The following GET4 variants were observed in gnomAD, a reference collection of about 807,000 sequenced individuals.
GET4 encodes Golgi to ER traffic protein 4 homolog.
GET4 carries 20 observed loss-of-function variants against 40.0 expected under a neutral mutation model. The observed-to-expected ratio is 0.50, with a 90% CI of 0.35 to 0.73. The LOEUF (loss-of-function observed/expected upper bound fraction) is 0.73. Ranked by LOEUF, GET4 falls within the 30% of genes least tolerant of loss-of-function variation. GET4 has a pLI of 0.01. For missense variants in GET4, 557 were observed against 454.0 expected (o/e 1.23, Z -2.06); for synonymous variants, 280 against 194.6 (o/e 1.44, Z -3.65).
At position 895,429 on chromosome 7, in the gene GET4, C is replaced by T. The variant is rs749467342; in HGVS notation, c.*7C>T. 3 of 1,491,002 alleles carry T rather than the reference C, an allele frequency of 2.0e-6. No individual in the cohort carries two copies. The highest frequency in any genetic ancestry group is 1.1e-5 in the South Asian group (1 of 87,578). 92.4% of individuals were successfully genotyped at this position (1,491,002 alleles called of 1,614,324 possible). A position where few individuals can be genotyped will look rare whatever the true frequency, so the allele number is the denominator to read the frequency against. The stretch of plus-strand genomic sequence containing the variant: ...CCCCATCGAGCTGGACTGAACTGGC[C>T]AGGCCACGTGGAGACACCACGGTCG... On this transcript the variant is annotated 3_prime_UTR_variant, in exon 9 of 9. Coordinates refer to ENST00000265857, the MANE Select transcript of GET4 (RefSeq NM_015949.3).
chr7:895,734 CTGA>C lies in GET4; in HGVS notation c.*315_*317del, dbSNP rs1422812542. 4.9e-6 allele frequency: 1 copy of C among 205,084 alleles called. No individual in the cohort carries two copies. Among genetic ancestry groups the C allele is most frequent in the African/African-American group, 2.3e-5 (1 of 43,228 alleles). 12.7% of individuals were successfully genotyped at this position (205,084 alleles called of 1,614,324 possible). A position where few individuals can be genotyped will look rare whatever the true frequency, so the allele number is the denominator to read the frequency against. On this transcript the variant is annotated 3_prime_UTR_variant, in exon 9 of 9. Coordinates refer to ENST00000265857, the MANE Select transcript of GET4 (RefSeq NM_015949.3). Reference sequence around the variant, plus strand: ...TTTGTTCTGGGTCCTTTCGGGAGGGCTGATGGGCAGCACAGGAGGCCCGTCCTC... The same window carrying C: ...TTTGTTCTGGGTCCTTTCGGGAGGGCTGGGCAGCACAGGAGGCCCGTCCTC...
chr7:884,154 G>T, intron 1 of GET4: 1 of 1,286,890 alleles, frequency 7.8e-7, no homozygotes, highest in South Asian at 1.3e-5. Context: ...CCAGAACGCT[G>T]TAGTATCGGC....
chr7:881,648 G>GGT (rs1844089480), intron 1 of GET4: 1 of 152,152 alleles, frequency 6.6e-6, no homozygotes, highest in South Asian at 2.1e-4. Context: ...GCCTCGGGCA[G>GGT]GTGTGCAGGC....
rs1048652075 is a variant in GET4 at position 884,178 on chromosome 7, G to C, written c.156-1878G>C. The C allele has an allele frequency of 2.4e-5, 31 of 1,297,890 alleles. No homozygotes were observed. The Admixed American group carries it at 6.9e-4, about 29-fold the overall frequency. The allele number at this position is 1,297,890 out of a possible 1,614,324, so 80.4% of individuals were successfully genotyped here. ...TGTAGTATCGGCAAAGCAGAAGCTGGTGTGGTGCTTGCTCAGGGTCGGTGC... is the reference window on the plus strand; with the variant it reads ...TGTAGTATCGGCAAAGCAGAAGCTGCTGTGGTGCTTGCTCAGGGTCGGTGC... On this transcript the variant is annotated intron_variant, in intron 1 of 8. Coordinates refer to ENST00000265857, the MANE Select transcript of GET4 (RefSeq NM_015949.3).
chr7:883,650 G>A (rs1196907151), intron 1 of GET4: 10 of 985,406 alleles, frequency 1.0e-5, no homozygotes, highest in African/African-American at 1.7e-5. Flanking sequence ...ACATGGCACG[G>A]CCAATAGTGC....
At position 894,279 on chromosome 7, in the gene GET4, G is replaced by A. The variant is rs1329285551; in HGVS notation, c.895+308G>A. Reference sequence around the variant, plus strand: ...CGTCTCTCTGTGCGCCATGCTAGGTGGCCTCCGTGAGCCTGGTGTGCCCGG... The same window carrying A: ...CGTCTCTCTGTGCGCCATGCTAGGTAGCCTCCGTGAGCCTGGTGTGCCCGG... On this transcript the variant is annotated intron_variant, in intron 8 of 8. Transcript: ENST00000265857. 2.6e-5 allele frequency among the ~76,000 whole-genome samples: 4 copies of A among 152,142 alleles called. No homozygotes were observed. The South Asian group carries it at 8.3e-4, about 32-fold the overall frequency.
chr7:885,941 T>A lies in GET4; in HGVS notation c.156-115T>A. 3 of 724,574 alleles carry A rather than the reference T, an allele frequency of 4.1e-6. No homozygotes were observed. In the Admixed American group the frequency reaches 5.9e-5, roughly 14 times the overall value. The allele number at this position is 724,574 out of a possible 1,614,324, so 44.9% of individuals were successfully genotyped here. On this transcript the variant is annotated intron_variant, in intron 1 of 8. Transcript: ENST00000265857. ...ACCTGGGCCCTGGGAGCGGCTGCTT[T>A]TAGGATGCCACCTGTTCCTGGGCGC...
intron 1 of GET4, 61 bp downstream of exon 1, chr7:876,861 C>T (rs1353699227): frequency 1.8e-5 from 17 of 940,816 alleles, no homozygotes; most frequent in Non-Finnish European, 2.0e-5. Flanking sequence ...CCATTGGCCG[C>T]GCCGCCTCGC....
At chr7:888,387 G>A (rs897404490) in intron 4 of GET4, among the ~76,000 whole-genome samples, 1 of 152,170 alleles carries the variant, frequency 6.6e-6, no homozygotes, top group Non-Finnish European at 1.5e-5. Flanking sequence ...ATGCCCATCC[G>A]ACCTCCGACC....
chr7:892,561 C>T, intron 6 of GET4, 143 bp downstream of exon 6: 3 of 785,266 alleles, frequency 3.8e-6, no homozygotes, highest in Non-Finnish European at 4.0e-6. Context: ...GGTATGAGTG[C>T]TGGGTGTAGA....
chr7:887,247 A>T, intron 3 of GET4, 123 bp from the exon 4 acceptor site: 1 of 980,326 alleles, frequency 1.0e-6, no homozygotes, highest in East Asian at 2.4e-5. Context: ...TCACTCAGGG[A>T]CGCCCAGCAG....
chr7:895,089 G>A (rs1286075852), intron 8 of GET4, among the ~76,000 whole-genome samples: 16 of 151,848 alleles, frequency 1.1e-4, no homozygotes, highest in Admixed American at 9.8e-4. Flanking sequence ...GTTGGTGGAC[G>A]TGGGAGGGCC....
intron 1 of GET4, chr7:885,794 A>G (rs1300839787): frequency 2.1e-6 from 1 of 483,642 alleles, no homozygotes; most frequent in African/African-American, 2.0e-5. Context: ...GAGCTGCTCC[A>G]GGGTGAGGCT....
rs143019719 is a variant in GET4, at chr7:895,585, G to A, written c.*163G>A. ...TCTGTGCGGCGGCTCAGGGTGGCGCGGCTGCTGCTCACTGTGCTGCTGGGA... is the reference window on the plus strand; with the variant it reads ...TCTGTGCGGCGGCTCAGGGTGGCGCAGCTGCTGCTCACTGTGCTGCTGGGA... On this transcript the variant is annotated 3_prime_UTR_variant, in exon 9 of 9. Transcript: ENST00000265857. 21 of 497,180 alleles carry A rather than the reference G, an allele frequency of 4.2e-5. No individual in the cohort carries two copies. Among genetic ancestry groups the A allele is most frequent in the Admixed American group, 1.1e-4 (3 of 26,638 alleles). 30.8% of individuals were successfully genotyped at this position (497,180 alleles called of 1,614,324 possible).
At chr7:882,348 T>C (rs1844102942) in intron 1 of GET4, 1 of 152,104 alleles carries the variant, frequency 6.6e-6, no homozygotes, top group Non-Finnish European at 1.5e-5. Context: ...CAGTTGAAGG[T>C]GAAGGAGAGG....
chr7:893,729 C>G lies in GET4; in HGVS notation c.747-11C>G, dbSNP rs756878531. 1.1e-5 allele frequency: 17 copies of G among 1,584,514 alleles called. No homozygotes were observed. The highest frequency in any genetic ancestry group is 1.7e-4 in the Middle Eastern group (1 of 5,962). The stretch of plus-strand genomic sequence containing the variant: ...GCTCACCCAGCACATCCCTGTGTGT[C>G]TCTGTCCCAGTGGGAAGCTGACGGT... On this transcript the variant is annotated splice_polypyrimidine_tract_variant and intron_variant, in intron 6 of 8. Transcript: ENST00000265857.
rs1172809276 is a variant in GET4 at position 895,672 on chromosome 7, G to A, written c.*250G>A. On this transcript the variant is annotated 3_prime_UTR_variant, in exon 9 of 9. Coordinates refer to ENST00000265857, the MANE Select transcript of GET4 (RefSeq NM_015949.3). The stretch of plus-strand genomic sequence containing the variant: ...TCCCCCGAGATTGACCCACAATAAA[G>A]CACAGGCCTTACCGCGGCGTCACCC... 8 of 361,578 alleles carry A rather than the reference G, an allele frequency of 2.2e-5. No homozygotes were observed. Among genetic ancestry groups the A allele is most frequent in the East Asian group, 1.4e-4 (3 of 22,034 alleles). The allele number at this position is 361,578 out of a possible 1,614,324, so 22.4% of individuals were successfully genotyped here. A position where few individuals can be genotyped will look rare whatever the true frequency, so the allele number is the denominator to read the frequency against.
At chr7:885,940 T>G in intron 1 of GET4, 116 bp from the exon 2 acceptor site, 1 of 721,446 alleles carries the variant, frequency 1.4e-6, no homozygotes, top group Non-Finnish European at 2.5e-6. Context: ...AGCGGCTGCT[T>G]TTAGGATGCC....
chr7:885,759 T>C, intron 1 of GET4: 1 of 395,166 alleles, frequency 2.5e-6, no homozygotes, highest in South Asian at 3.0e-5. Flanking sequence ...CAGTGGCCTT[T>C]CTGGTCCCAG....
Sources: allele counts gnomAD v4.1 joint callset (sites outside exome capture counted in the v4.1 genomes callset), GRCh38; gene constraint gnomAD v4.1.1; transcripts MANE v1.5; gene names NCBI Gene and HGNC (gene_info 2026-07-23, HGNC 2026-07-21).